Variants in THRAP3 observed in about 807,000 individuals in gnomAD.
THRAP3 encodes the protein thyroid hormone receptor associated protein 3, also known as thyroid hormone receptor-associated protein 3.
In THRAP3, 16 loss-of-function variants were observed where a neutral mutation model predicts 101.0. The ratio of observed to expected loss-of-function variants is 0.16; its 90% CI spans 0.11 to 0.24. THRAP3 has a LOEUF of 0.24. Ranked by LOEUF, THRAP3 falls within the 10% of genes least tolerant of loss-of-function variation. The pLI, the probability that THRAP3 is intolerant of heterozygous loss-of-function variation, is 1.00. For synonymous variants in THRAP3, 407 were observed against 422.6 expected, an observed-to-expected ratio of 0.96 and a Z score of 0.45; for missense variants, 989 against 1,202.7, an observed-to-expected ratio of 0.82 and a Z score of 2.63.
At chr1:36,231,360 G>GTA (rs1314686742) in intron 1 of THRAP3, among the ~76,000 whole-genome samples, 6 of 152,124 alleles carry the variant, frequency 3.9e-5, no homozygotes, top group Non-Finnish European at 8.8e-5. Context: ...TGTTTAGCTG[G>GTA]TATGTGTTCA....
At chr1:36,236,737 A>G (rs190458793) in intron 1 of THRAP3, among the ~76,000 whole-genome samples, 2 of 152,374 alleles carry the variant, frequency 1.3e-5, no homozygotes, top group Non-Finnish European at 1.5e-5. Context: ...TTAACTAATT[A>G]AACTCTACCT....
Position 36,246,447 on chromosome 1 carries a change from G to T in THRAP3, c.-134-12935G>T, listed in dbSNP as rs191378123. 1.2e-3 allele frequency among the ~76,000 whole-genome samples: 178 copies of T among 152,256 alleles called. 3 individuals are homozygous for T. The South Asian group carries it at 0.012, about 10-fold the overall frequency. The stretch of plus-strand genomic sequence containing the variant: ...GGGGTTTCACCATGTTGGCCAGACT[G>T]GTCCCGAACTCCTGATCTCAAGTTA... On this transcript the variant is annotated intron_variant, in intron 1 of 11. Transcript: ENST00000354618.
chr1:36,287,663 C>T (rs1213563750), intron 4 of THRAP3: 2 of 985,310 alleles, frequency 2.0e-6, no homozygotes, highest in Non-Finnish European at 2.4e-6. Flanking sequence ...CTACTATGTT[C>T]GATCTGCATC....
At chr1:36,216,633 A>C in the THRAP3 span, among the ~76,000 whole-genome samples, 23 of 152,058 alleles carry the variant, frequency 1.5e-4, no homozygotes, top group Non-Finnish European at 2.6e-4. Flanking sequence ...ACAACAACAA[A>C]AAAATAGCTG....
intron 8 of THRAP3, among the ~76,000 whole-genome samples, chr1:36,295,717 T>C (rs1645940521): frequency 6.6e-6 from 1 of 152,076 alleles, no homozygotes; most frequent in African/African-American, 2.4e-5. Context: ...CCCCATAGTT[T>C]TTGATATTCC....
At chr1:36,273,073 A>G (rs1021714431) in intron 2 of THRAP3, among the ~76,000 whole-genome samples, 3 of 152,264 alleles carry the variant, frequency 2.0e-5, no homozygotes, top group Non-Finnish European at 4.4e-5. Context: ...GCTAAACGCA[A>G]AGCACTGAAG....
chr1:36,299,532 G>A (rs1646004691), intron 9 of THRAP3, among the ~76,000 whole-genome samples: 1 of 150,734 alleles, frequency 6.6e-6, no homozygotes, highest in African/African-American at 2.4e-5. Context: ...GTAGAGTCTC[G>A]CTCTGTCACC....
At chr1:36,289,977 C>T (rs566398476) in intron 5 of THRAP3, among the ~76,000 whole-genome samples, 2 of 152,110 alleles carry the variant, frequency 1.3e-5, no homozygotes, top group Admixed American at 6.5e-5. Context: ...GATGAAGTAT[C>T]TCTTCAGTCC....
intron 4 of THRAP3, chr1:36,288,575 T>G: frequency 1.0e-6 from 1 of 985,470 alleles, no homozygotes; most frequent in Non-Finnish European, 1.2e-6. Flanking sequence ...ATCTTCTAGG[T>G]GACTTGAAGC....
In THRAP3 at chr1:36,291,347, T is replaced by C. The variant is rs546307127; in HGVS notation, c.1746-27T>C. ...GTTCTTCCTGTGTATTGTGTTCTAA[T>C]TGGGCCTCCCCATATTTCTTTTTCA... On this transcript the variant is annotated intron_variant, in intron 5 of 11. Coordinates refer to ENST00000354618, the MANE Select transcript of THRAP3 (RefSeq NM_005119.4). 26 of 1,608,870 alleles carry C rather than the reference T, an allele frequency of 1.6e-5. No homozygotes were observed. The South Asian group carries it at 2.5e-4, about 16-fold the overall frequency.
intron 1 of THRAP3, among the ~76,000 whole-genome samples, chr1:36,233,882 GTCC>G (rs1306679526): frequency 1.3e-5 from 2 of 152,194 alleles, no homozygotes; most frequent in South Asian, 2.1e-4. Context: ...TTTCTGAGTT[GTCC>G]TCCTCCTTCA....
chr1:36,217,606 G>A, the THRAP3 span, among the ~76,000 whole-genome samples: 1 of 151,992 alleles, frequency 6.6e-6, no homozygotes, highest in South Asian at 2.1e-4. Context: ...TTTTTCCAAA[G>A]GCATGTGCTC....
At chr1:36,212,018 C>A in the THRAP3 span, among the ~76,000 whole-genome samples, 1 of 152,184 alleles carries the variant, frequency 6.6e-6, no homozygotes, top group Non-Finnish European at 1.5e-5. Context: ...TGGCTCATGG[C>A]ATGGAAAAGT....
At chr1:36,215,501 T>G in the THRAP3 span, among the ~76,000 whole-genome samples, 3 of 152,154 alleles carry the variant, frequency 2.0e-5, no homozygotes, top group Admixed American at 2.0e-4. Context: ...ACTATATCGT[T>G]TATGGGTCAT....
At chr1:36,298,963 T>C (rs1005147448) in intron 9 of THRAP3, among the ~76,000 whole-genome samples, 1 of 152,114 alleles carries the variant, frequency 6.6e-6, no homozygotes, top group Non-Finnish European at 1.5e-5. Flanking sequence ...CCTGGCTAAT[T>C]TTGTATTTCT....
At chr1:36,250,522 C>T (rs1177566292) in intron 1 of THRAP3, among the ~76,000 whole-genome samples, 1 of 151,914 alleles carries the variant, frequency 6.6e-6, no homozygotes, top group Non-Finnish European at 1.5e-5. Flanking sequence ...GATTTAGCAT[C>T]CTCTGTGTTC....
At chr1:36,248,002 C>G (rs1645252219) in intron 1 of THRAP3, among the ~76,000 whole-genome samples, 1 of 151,754 alleles carries the variant, frequency 6.6e-6, no homozygotes, top group African/African-American at 2.4e-5. Flanking sequence ...GCCTCAGCCC[C>G]CCGAGTAGCT....
chr1:36,243,429 T>C (rs1486210980), intron 1 of THRAP3, among the ~76,000 whole-genome samples: 2 of 151,834 alleles, frequency 1.3e-5, no homozygotes, highest in African/African-American at 4.8e-5. Context: ...CAAGCATCTG[T>C]TTAACAAAGC....
chr1:36,255,417 C>T (rs1258310976), intron 1 of THRAP3, among the ~76,000 whole-genome samples: 1 of 151,744 alleles, frequency 6.6e-6, no homozygotes, highest in Non-Finnish European at 1.5e-5. Flanking sequence ...CATGTGAGGG[C>T]AGGTGTTCGA....
Sources: gnomAD v4.1 joint callset for allele counts (sites outside exome capture counted in the v4.1 genomes callset) on GRCh38, gnomAD v4.1.1 for gene constraint, MANE v1.5 for transcripts, NCBI Gene and HGNC (gene_info 2026-07-23, HGNC 2026-07-21) for gene names.